The following HIVEP3 variants were observed in gnomAD, a reference collection of about 807,000 sequenced individuals.
HIVEP3 encodes transcription factor HIVEP3.
Under a neutral mutation model 152.8 loss-of-function variants are expected in HIVEP3, and 49 were observed. That is an observed-to-expected ratio of 0.32 (90% CI 0.26 to 0.41). The LOEUF is 0.41. Ranked by LOEUF, HIVEP3 falls within the 10% of genes least tolerant of loss-of-function variation. HIVEP3 has a pLI of 1.00. For synonymous variants in HIVEP3, 1,269 were observed against 1,289.0 expected, an observed-to-expected ratio of 0.98 and a Z score of 0.33; for missense variants, 2,790 against 3,103.3, an observed-to-expected ratio of 0.90 and a Z score of 2.40.
At chr1:41,646,916 G>A (rs1025757641) in intron 2 of HIVEP3, among the ~76,000 whole-genome samples, 1 of 152,182 alleles carries the variant, frequency 6.6e-6, no homozygotes, top group Admixed American at 6.5e-5. Context: ...AGGCTCCAGG[G>A]AAGAATCTGT....
chr1:41,909,213 A>T (rs536976473), intron 1 of HIVEP3, among the ~76,000 whole-genome samples: 10 of 152,282 alleles, frequency 6.6e-5, no homozygotes, highest in Admixed American at 2.6e-4. Context: ...AAGGGGAAAA[A>T]TAGTGTATTT....
At chr1:41,732,170 G>A (rs1410767367) in intron 1 of HIVEP3, among the ~76,000 whole-genome samples, 1 of 152,140 alleles carries the variant, frequency 6.6e-6, no homozygotes, top group Non-Finnish European at 1.5e-5. Flanking sequence ...CTGAGAGAGG[G>A]GACCACATGA....
At chr1:41,562,554 CTTCT>C (rs1333468717) in intron 5 of HIVEP3, among the ~76,000 whole-genome samples, 13 of 76,266 alleles carry the variant, frequency 1.7e-4, no homozygotes, top group South Asian at 1.6e-3. Context: ...TCCTTCCTTC[CTTCT>C]TTCCTTCTTT....
intron 5 of HIVEP3, among the ~76,000 whole-genome samples, chr1:41,565,877 T>C (rs1288902729): frequency 6.6e-6 from 1 of 152,244 alleles, no homozygotes; most frequent in African/African-American, 2.4e-5. Flanking sequence ...CTCAGAGCTC[T>C]GGAAGGCTCT....
intron 1 of HIVEP3, among the ~76,000 whole-genome samples, chr1:42,032,690 C>T (rs1645619839): frequency 6.6e-6 from 1 of 152,064 alleles, no homozygotes; most frequent in African/African-American, 2.4e-5. Flanking sequence ...CTTGTTCCTC[C>T]TCTCTCTTGC....
rs140642683 is a variant in HIVEP3, at chr1:41,524,756, G to A, written c.5362C>T (p.His1788Tyr). 1 of 1,614,022 alleles carries A rather than the reference G, an allele frequency of 6.2e-7. No individual in the cohort carries two copies. Among genetic ancestry groups the A allele is most frequent in the Non-Finnish European group, 8.5e-7 (1 of 1,180,030 alleles). The change falls in exon 6 of 9, where the codon CAC (histidine) becomes TAC (tyrosine). Residue 1788 changes from histidine (H) to tyrosine (Y), a missense_variant. Coordinates refer to ENST00000372583, the MANE Select transcript of HIVEP3 (RefSeq NM_024503.5). ...TTACCTTTGGTTTTAAAAGCAAAGT[G>A]ACAGTGCTTGCACACATAGGGCCGG... Reference protein sequence around the residue: ...DVRPYVCKHCHFAFKTKGNLT... With the variant: ...DVRPYVCKHCYFAFKTKGNLT...
In HIVEP3 at chr1:41,513,029, G is replaced by A; in HGVS notation, c.6192C>T (p.Pro2064=). The A allele has an allele frequency of 6.2e-7, 1 of 1,613,592 alleles. No individual in the cohort carries two copies. Among genetic ancestry groups the A allele is most frequent in the Non-Finnish European group, 8.5e-7 (1 of 1,179,762 alleles). The part of the protein sequence containing the change: ...KLEGTTDPGL[P]RYSPTRRWSP... ...ACCATCTCCTGGTGGGCGAGTATCT[G>A]GGGAGGCCTGGGTCGGTGGTACCCT... The change falls in exon 8 of 9, where the codon CCC becomes CCT. Residue 2064 remains proline (P), a synonymous_variant. Transcript: ENST00000372583.
At chr1:41,768,782 T>C (rs1419034021) in intron 1 of HIVEP3, among the ~76,000 whole-genome samples, 3 of 152,252 alleles carry the variant, frequency 2.0e-5, no homozygotes, top group Admixed American at 2.0e-4. Flanking sequence ...TTTTTGCCTA[T>C]GCTATTCCAA....
intron 1 of HIVEP3, among the ~76,000 whole-genome samples, chr1:42,007,821 T>A (rs1557559703): frequency 6.6e-6 from 1 of 151,836 alleles, no homozygotes; most frequent in Non-Finnish European, 1.5e-5. Context: ...TTCATTTGCT[T>A]AAAAAAATGA....
At chr1:41,998,919 C>T (rs1351126896) in intron 1 of HIVEP3, among the ~76,000 whole-genome samples, 5 of 44,190 alleles carry the variant, frequency 1.1e-4, no homozygotes, top group Admixed American at 3.0e-4. Flanking sequence ...TTTTTTGAGA[C>T]GGAGTCTTGC....
intron 5 of HIVEP3, among the ~76,000 whole-genome samples, chr1:41,530,333 G>A (rs1157845584): frequency 6.6e-6 from 1 of 152,192 alleles, no homozygotes; most frequent in Non-Finnish European, 1.5e-5. Flanking sequence ...GGCACTCTGT[G>A]GCCAAGCACG....
Position 41,985,071 on chromosome 1 carries a change from T to C in HIVEP3, n.119+50736A>G, listed in dbSNP as rs151027321. Among the ~76,000 whole-genome samples the C allele has an allele frequency of 2.6e-4, 40 of 152,194 alleles. No individual in the cohort carries two copies. The Middle Eastern group carries it at 0.01, about 39-fold the overall frequency. Reference sequence around the variant, plus strand: ...TGACTGGTTGGTTGATTGATTGATTTTTCCAAGGAGACAACTTTCAAGTTG... The same window carrying C: ...TGACTGGTTGGTTGATTGATTGATTCTTCCAAGGAGACAACTTTCAAGTTG... On this transcript the variant is annotated intron_variant and non_coding_transcript_variant, in intron 1 of 3. Coordinates refer to the HIVEP3 transcript ENST00000489103.
chr1:41,672,821 G>C (rs538180028), intron 2 of HIVEP3, among the ~76,000 whole-genome samples: 2 of 152,176 alleles, frequency 1.3e-5, no homozygotes, highest in Non-Finnish European at 2.9e-5. Context: ...CAGGGACCAT[G>C]CCTGGATTCC....
chr1:41,977,216 A>G (rs7526750), intron 1 of HIVEP3, among the ~76,000 whole-genome samples: 88,351 of 151,806 alleles, frequency 0.58, 26,077 homozygotes, highest in East Asian at 0.71. Context: ...AAATCAGACA[A>G]GGAGTTCAGG....
chr1:41,751,400 T>G (rs1485734898), intron 1 of HIVEP3, among the ~76,000 whole-genome samples: 1 of 142,860 alleles, frequency 7.0e-6, no homozygotes, highest in Non-Finnish European at 1.5e-5. Flanking sequence ...ATTTAGCAGA[T>G]GCTTACGCCC....
At position 41,598,548 on chromosome 1, in the gene HIVEP3, A is replaced by G. The variant is rs192099411; in HGVS notation, c.-521-13230T>C. Among the ~76,000 whole-genome samples the G allele has an allele frequency of 5.6e-4, 85 of 152,364 alleles. 1 individual carries two copies. Among genetic ancestry groups the G allele is most frequent in the African/African-American group, 1.8e-3 (75 of 41,592 alleles). On this transcript the variant is annotated intron_variant, in intron 3 of 8. Coordinates refer to ENST00000372583, the MANE Select transcript of HIVEP3 (RefSeq NM_024503.5). Reference sequence around the variant, plus strand: ...TTCTTGCCCACATGGCAGGATAGATATAACTGTATAGTAATGATAAAGCAG... The same window carrying G: ...TTCTTGCCCACATGGCAGGATAGATGTAACTGTATAGTAATGATAAAGCAG...
At chr1:41,917,187 T>C (rs1165649523) in intron 1 of HIVEP3, among the ~76,000 whole-genome samples, 2 of 152,110 alleles carry the variant, frequency 1.3e-5, no homozygotes, top group East Asian at 1.9e-4. Flanking sequence ...CAGGAGATGG[T>C]GGGGAGCTGT....
At chr1:41,889,189 T>TCA (rs752427035) in intron 1 of HIVEP3, among the ~76,000 whole-genome samples, 65 of 140,644 alleles carry the variant, frequency 4.6e-4, no homozygotes, top group African/African-American at 1.1e-3. Context: ...CACACATATC[T>TCA]CACACACACA....
At chr1:41,838,677 C>T (rs949641813) in intron 1 of HIVEP3, among the ~76,000 whole-genome samples, 5 of 152,172 alleles carry the variant, frequency 3.3e-5, no homozygotes, top group Admixed American at 6.5e-5. Flanking sequence ...CTACTCTCTA[C>T]CTCTCCGAGC....
Sources: gnomAD v4.1 joint callset for allele counts (sites outside exome capture counted in the v4.1 genomes callset) on GRCh38, gnomAD v4.1.1 for gene constraint, MANE v1.5 for transcripts, NCBI Gene and HGNC (gene_info 2026-07-23, HGNC 2026-07-21) for gene names.